Variants in C6orf62 observed in about 807,000 individuals in gnomAD.
C6orf62 encodes the protein chromosome 6 open reading frame 62.
C6orf62 carries 16 observed loss-of-function variants against 26.8 expected under a neutral mutation model. The observed-to-expected ratio is 0.60, with a 90% CI of 0.40 to 0.91. The LOEUF (loss-of-function observed/expected upper bound fraction) is 0.91, where lower values mean the gene tolerates loss of function less well. Among genes scored for constraint, C6orf62 ranks in the 40% least tolerant of loss-of-function variants. The pLI is 0.00. For missense variants in C6orf62, 192 were observed against 271.4 expected (o/e 0.71, Z 2.06); for synonymous variants, 112 against 91.5 (o/e 1.22, Z -1.28).
intron 4 of C6orf62, 48 bp downstream of exon 4, chr6:24,708,729 A>ATT (rs764164315): frequency 1.9e-6 from 3 of 1,611,272 alleles, no homozygotes; most frequent in Non-Finnish European, 2.5e-6. Context: ...TTACTAACCA[A>ATT]TAAGTTTTTG....
At position 24,705,014 on chromosome 6, in the gene C6orf62, AG is replaced by A. The variant is rs528517584; in HGVS notation, c.*1122del. ...TTACTCCAAAGGAGTAGGATCATTC[AG>A]ATTTACTCCAATAAAAGTATGCAAC... On this transcript the variant is annotated 3_prime_UTR_variant, in exon 5 of 5. Transcript: ENST00000378119. 90 of 152,064 alleles carry A rather than the reference AG, an allele frequency of 5.9e-4. No individual in the cohort carries two copies. Among genetic ancestry groups the A allele is most frequent in the African/African-American group, 1.8e-3 (73 of 41,392 alleles). The allele number at this position is 152,064 out of a possible 1,614,324, so 9.4% of individuals were successfully genotyped here. A position where few individuals can be genotyped will look rare whatever the true frequency, so the allele number is the denominator to read the frequency against.
At chr6:24,710,793 G>GT (rs1409898750) in intron 3 of C6orf62, among the ~76,000 whole-genome samples, 4 of 152,042 alleles carry the variant, frequency 2.6e-5, no homozygotes, top group African/African-American at 4.8e-5. Flanking sequence ...GAGGCCAGGA[G>GT]TTTGAGACCA....
At chr6:24,715,394 A>G (rs1456363111) in intron 2 of C6orf62, among the ~76,000 whole-genome samples, 1 of 152,234 alleles carries the variant, frequency 6.6e-6, no homozygotes, top group Admixed American at 6.5e-5. Flanking sequence ...AGGAAATACA[A>G]TAAACGGAGA....
At chr6:24,720,104 G>A (rs1214086559), upstream of C6orf62, 1 of 1,256,818 alleles carries the variant, frequency 8.0e-7, no homozygotes, top group East Asian at 4.2e-5. Context: ...GATTGTTTAG[G>A]GTGGGGTCGT....
Position 24,708,929 on chromosome 6 carries a change from CATTTAT to C in C6orf62, c.430-24_430-19del, listed in dbSNP as rs757465764. The C allele has an allele frequency of 9.9e-6, 16 of 1,613,668 alleles. No individual in the cohort carries two copies. The highest frequency in any genetic ancestry group is 6.7e-5 in the Admixed American group (4 of 59,970). Reference sequence around the variant, plus strand: ...AATTTGGCCTAATTACAAAATACAACATTTATATTAAACTACAAACAAGTTATACTA... The same window carrying C: ...AATTTGGCCTAATTACAAAATACAACATTAAACTACAAACAAGTTATACTA... On this transcript the variant is annotated intron_variant, in intron 3 of 4. Coordinates refer to ENST00000378119, the MANE Select transcript of C6orf62 (RefSeq NM_030939.5).
At chr6:24,720,517 G>C (rs1458341068), upstream of C6orf62, 3 of 456,150 alleles carry the variant, frequency 6.6e-6, no homozygotes, top group East Asian at 1.1e-4. Context: ...AAAAGAAAAA[G>C]AGGAAAAACA....
intron 2 of C6orf62, 105 bp downstream of exon 2, chr6:24,716,043 T>C (rs1779222580): frequency 2.5e-6 from 2 of 791,526 alleles, no homozygotes; most frequent in African/African-American, 1.8e-5. Flanking sequence ...CTGAAGAGAC[T>C]GGTCACTATC....
At chr6:24,709,949 A>AGCCC (rs1282922641) in intron 3 of C6orf62, 1 of 985,296 alleles carries the variant, frequency 1.0e-6, no homozygotes, top group African/African-American at 1.7e-5. Flanking sequence ...ACATTGAAAA[A>AGCCC]CCAAGTTCCT....
upstream of C6orf62, chr6:24,719,545 G>T: frequency 8.4e-7 from 1 of 1,197,014 alleles, no homozygotes; most frequent in Non-Finnish European, 1.0e-6. Context: ...CTGCTGCCAA[G>T]GAGAATCATG....
intron 4 of C6orf62, chr6:24,706,611 G>T: frequency 5.1e-6 from 1 of 196,848 alleles, no homozygotes; most frequent in Non-Finnish European, 1.1e-5. Context: ...AGAGGATGAA[G>T]GAATAGGTAA....
At chr6:24,715,443 T>C (rs1229268626) in intron 2 of C6orf62, among the ~76,000 whole-genome samples, 1 of 152,250 alleles carries the variant, frequency 6.6e-6, no homozygotes, top group Non-Finnish European at 1.5e-5. Flanking sequence ...CACAATATTA[T>C]GAGCCTAATA....
At chr6:24,716,399 A>C in intron 1 of C6orf62, 75 bp from the exon 2 acceptor site, 17 of 1,034,684 alleles carry the variant, frequency 1.6e-5, no homozygotes, top group Non-Finnish European at 2.2e-5. Context: ...TTACAATGTC[A>C]TGTAACATTA....
intron 2 of C6orf62, among the ~76,000 whole-genome samples, chr6:24,715,940 T>A (rs1342145439): frequency 6.6e-6 from 1 of 151,264 alleles, no homozygotes; most frequent in Non-Finnish European, 1.5e-5. Flanking sequence ...ATAAGAATGG[T>A]CTGGCGTAAA....
At chr6:24,709,792 G>A (rs1779084350) in intron 3 of C6orf62, 1 of 985,430 alleles carries the variant, frequency 1.0e-6, no homozygotes. Context: ...AATGCTACAT[G>A]ACATGACCAG....
rs2127631536 is a variant in C6orf62, at chr6:24,706,134, A to AC, written c.*2dup. 6.2e-7 allele frequency: 1 copy of AC among 1,614,076 alleles called. No homozygotes were observed. The highest frequency in any genetic ancestry group is 2.2e-5 in the East Asian group (1 of 44,870). ...GATCTTCTCCATTTTGCTGGTCAGT[A>AC]CTCTACTCTGGCATATAAGGACGGA... On this transcript the variant is annotated 3_prime_UTR_variant, in exon 5 of 5. Coordinates refer to ENST00000378119, the MANE Select transcript of C6orf62 (RefSeq NM_030939.5).
intron 3 of C6orf62, among the ~76,000 whole-genome samples, chr6:24,713,507 A>G (rs981962345): frequency 3.3e-5 from 5 of 152,188 alleles, no homozygotes; most frequent in Admixed American, 6.5e-5. Context: ...AATCCTCACA[A>G]TTAGCTTAAA....
At chr6:24,719,889 G>A (rs1294608877), upstream of C6orf62, 7 of 1,546,438 alleles carry the variant, frequency 4.5e-6, no homozygotes, top group Middle Eastern at 1.7e-4. Flanking sequence ...GGATCACTCA[G>A]GTTTTCACTC....
Position 24,714,453 on chromosome 6 carries a change from TAAA to T in C6orf62, c.307-16_307-14del. ...AGCCAATTACATCCTATAAAATGAT[TAAA>T]AAAAAAAAAGTTTACTTTTAAAGAA... On this transcript the variant is annotated splice_polypyrimidine_tract_variant and intron_variant, in intron 2 of 4. Transcript: ENST00000378119. 1 of 1,360,678 alleles carries T rather than the reference TAAA, an allele frequency of 7.3e-7. No individual in the cohort carries two copies. The highest frequency in any genetic ancestry group is 1.5e-5 in the African/African-American group (1 of 65,568). 84.3% of individuals were successfully genotyped at this position (1,360,678 alleles called of 1,614,324 possible). A position where few individuals can be genotyped will look rare whatever the true frequency, so the allele number is the denominator to read the frequency against.
intron 3 of C6orf62, among the ~76,000 whole-genome samples, chr6:24,712,925 C>T (rs1779150870): frequency 6.6e-6 from 1 of 152,182 alleles, no homozygotes; most frequent in Admixed American, 6.5e-5. Flanking sequence ...AACACCACCT[C>T]CAGAGAGCAG....
Sources: gnomAD v4.1 joint callset for allele counts (sites outside exome capture counted in the v4.1 genomes callset) on GRCh38, gnomAD v4.1.1 for gene constraint, MANE v1.5 for transcripts, NCBI Gene and HGNC (gene_info 2026-07-23, HGNC 2026-07-21) for gene names.